Variants in RFX3 observed in about 807,000 individuals in gnomAD.
RFX3 encodes the protein transcription factor RFX3.
In RFX3, 14 loss-of-function variants were observed where a neutral mutation model predicts 98.6. That is an observed-to-expected ratio of 0.14 (90% CI 0.09 to 0.22). RFX3 has a LOEUF of 0.22. Among genes scored for constraint, RFX3 ranks in the 10% least tolerant of loss-of-function variants. RFX3 has a pLI of 1.00. For missense variants in RFX3, 639 were observed against 926.9 expected (o/e 0.69, Z 4.03); for synonymous variants, 383 against 328.4 (o/e 1.17, Z -1.80).
At chr9:3,277,277 T>TG in intron 8 of RFX3, 63 bp downstream of exon 8, 1 of 1,560,762 alleles carries the variant, frequency 6.4e-7, no homozygotes, top group Non-Finnish European at 8.8e-7. Context: ...ACATTGCACT[T>TG]GGAGAAAAGA....
intron 14 of RFX3, among the ~76,000 whole-genome samples, chr9:3,248,827 A>G (rs1235657963): frequency 2.0e-5 from 3 of 152,218 alleles, no homozygotes; most frequent in Non-Finnish European, 4.4e-5. Context: ...ATCAATTAAG[A>G]AATGCGTTAT....
chr9:3,502,115 C>T (rs1478547989), intron 1 of RFX3, among the ~76,000 whole-genome samples: 2 of 151,458 alleles, frequency 1.3e-5, no homozygotes, highest in African/African-American at 4.8e-5. Context: ...AAAAATTAGC[C>T]GGGCGTAGTG....
At chr9:3,441,385 C>A (rs577072329) in intron 1 of RFX3, among the ~76,000 whole-genome samples, 3 of 151,968 alleles carry the variant, frequency 2.0e-5, no homozygotes, top group Non-Finnish European at 4.4e-5. Flanking sequence ...GCCAAGCAAA[C>A]CTAGACACAG....
At chr9:3,478,190 T>A (rs1479493339) in intron 1 of RFX3, among the ~76,000 whole-genome samples, 1 of 152,146 alleles carries the variant, frequency 6.6e-6, no homozygotes, top group Non-Finnish European at 1.5e-5. Flanking sequence ...GTGTGTTTTA[T>A]TTCCTGTTTC....
chr9:3,453,857 A>AT (rs1264325676), intron 1 of RFX3: 4 of 152,184 alleles, frequency 2.6e-5, no homozygotes, highest in African/African-American at 7.2e-5. Flanking sequence ...ATAAATTTAG[A>AT]TTTTTTAAAT....
chr9:3,247,377 T>C, intron 15 of RFX3: 1 of 961,802 alleles, frequency 1.0e-6, no homozygotes, highest in Non-Finnish European at 1.2e-6. Flanking sequence ...AAAATCAGAC[T>C]GTGTTTGAAA....
At chr9:3,374,259 A>G (rs1052662271) in intron 2 of RFX3, among the ~76,000 whole-genome samples, 1 of 152,222 alleles carries the variant, frequency 6.6e-6, no homozygotes, top group African/African-American at 2.4e-5. Flanking sequence ...TATGGAAAAC[A>G]GTATAGCAGC....
chr9:3,432,391 A>G (rs756421195), intron 1 of RFX3, among the ~76,000 whole-genome samples: 10 of 152,190 alleles, frequency 6.6e-5, no homozygotes, highest in African/African-American at 2.2e-4. Context: ...ACCCCAGTAG[A>G]GAGAACGTCA....
At chr9:3,411,400 T>C (rs1477182210) in intron 1 of RFX3, among the ~76,000 whole-genome samples, 2 of 152,148 alleles carry the variant, frequency 1.3e-5, no homozygotes, top group East Asian at 1.9e-4. Flanking sequence ...TCTCATTCTG[T>C]TGCCAAGGCT....
intron 1 of RFX3, among the ~76,000 whole-genome samples, chr9:3,520,557 C>T (rs1818606478): frequency 1.3e-5 from 2 of 152,128 alleles, no homozygotes; most frequent in African/African-American, 4.8e-5. Flanking sequence ...AAGATCACTC[C>T]CAGTTTAAAA....
chr9:3,317,213 C>G (rs964798406), intron 4 of RFX3, among the ~76,000 whole-genome samples: 21 of 152,056 alleles, frequency 1.4e-4, no homozygotes, highest in African/African-American at 4.8e-4. Context: ...GAAATAATAC[C>G]ACACATCTAT....
rs1329384173 is a variant in RFX3 at position 3,506,260 on chromosome 9, T to C, written c.-9+19487A>G. ...CAGGGTAAAGTCTCTGTAGCAGACA[T>C]AAAGGCAGATAATCATACCTTCGCA... is the stretch of plus-strand genomic sequence containing the variant. On this transcript the variant is annotated intron_variant, in intron 1 of 16. Coordinates refer to ENST00000617270, the MANE Select transcript of RFX3 (RefSeq NM_001282116.2). Among the ~76,000 whole-genome samples the C allele has an allele frequency of 5.9e-5, 9 of 151,538 alleles. No individual in the cohort carries two copies. In the Admixed American group the frequency reaches 6.0e-4, roughly 10 times the overall value.
chr9:3,268,336 G>C (rs1449400685), intron 11 of RFX3, among the ~76,000 whole-genome samples: 1 of 151,720 alleles, frequency 6.6e-6, no homozygotes, highest in African/African-American at 2.4e-5. Flanking sequence ...TCTCTCTACA[G>C]GGATTCATGT....
At chr9:3,241,826 T>C (rs1819968213) in intron 15 of RFX3, among the ~76,000 whole-genome samples, 2 of 152,188 alleles carry the variant, frequency 1.3e-5, no homozygotes. Context: ...TAATATTCCA[T>C]TTAGTTTTCA....
intron 1 of RFX3, among the ~76,000 whole-genome samples, chr9:3,447,778 T>C (rs1478897553): frequency 1.3e-5 from 2 of 152,172 alleles, no homozygotes; most frequent in African/African-American, 2.4e-5. Context: ...AGAATCAGAA[T>C]CTAATTAGAT....
intron 7 of RFX3, among the ~76,000 whole-genome samples, chr9:3,287,637 T>C (rs1027060136): frequency 6.6e-6 from 1 of 151,976 alleles, no homozygotes; most frequent in Non-Finnish European, 1.5e-5. Context: ...CCATCCATCA[T>C]TCATCCATCC....
chr9:3,283,115 T>C (rs1826126448), intron 7 of RFX3, among the ~76,000 whole-genome samples: 1 of 151,652 alleles, frequency 6.6e-6, no homozygotes. Flanking sequence ...GGAATTAATG[T>C]CTAGGAAAGG....
intron 3 of RFX3, among the ~76,000 whole-genome samples, chr9:3,343,403 G>C (rs1834111928): frequency 6.6e-6 from 1 of 152,138 alleles, no homozygotes; most frequent in Non-Finnish European, 1.5e-5. Context: ...CTAACTTGCT[G>C]TTAATTCAGT....
intron 1 of RFX3, among the ~76,000 whole-genome samples, chr9:3,524,100 A>C (rs1818983192): frequency 6.6e-6 from 1 of 152,214 alleles, no homozygotes; most frequent in Non-Finnish European, 1.5e-5. Context: ...GACTATTTGA[A>C]TAAGCATTTT....
Sources: gnomAD v4.1 joint callset for allele counts (sites outside exome capture counted in the v4.1 genomes callset) on GRCh38, gnomAD v4.1.1 for gene constraint, MANE v1.5 for transcripts, NCBI Gene and HGNC (gene_info 2026-07-23, HGNC 2026-07-21) for gene names.